Variants in TTLL5 observed in about 807,000 individuals in gnomAD.
TTLL5 encodes the protein tubulin polyglutamylase TTLL5.
In TTLL5, 132 loss-of-function variants were observed where a neutral mutation model predicts 168.4. The observed-to-expected ratio is 0.78, with a 90% CI of 0.68 to 0.91. The LOEUF (loss-of-function observed/expected upper bound fraction) is 0.91. Ranked by LOEUF, TTLL5 falls within the 40% of genes least tolerant of loss-of-function variation. The pLI, the probability that TTLL5 is intolerant of heterozygous loss-of-function variation, is 0.00. For synonymous variants in TTLL5, 546 were observed against 558.6 expected (o/e 0.98, Z 0.32); for missense variants, 1,545 against 1,581.5 (o/e 0.98, Z 0.39).
chr14:75,697,011 A>G (rs2140150622), intron 6 of TTLL5, among the ~76,000 whole-genome samples: 1 of 152,340 alleles, frequency 6.6e-6, no homozygotes, highest in East Asian at 1.9e-4. Context: ...GTGTCCCACA[A>G]GCTAAGAACC....
chr14:75,954,693 C>G lies in TTLL5; in HGVS notation c.*247C>G. Reference sequence around the variant, plus strand: ...TGGCAGTGGGGACATTCAGCTGATGCATTATATACCCCGTCAGAGCACACT... The same window carrying G: ...TGGCAGTGGGGACATTCAGCTGATGGATTATATACCCCGTCAGAGCACACT... On this transcript the variant is annotated 3_prime_UTR_variant, in exon 32 of 32. Transcript: ENST00000298832. The G allele has an allele frequency of 1.7e-6, 1 of 573,078 alleles. No individual in the cohort carries two copies. 35.5% of individuals were successfully genotyped at this position (573,078 alleles called of 1,614,324 possible).
At chr14:75,760,159 GA>G (rs1890542377) in intron 18 of TTLL5, among the ~76,000 whole-genome samples, 2 of 152,016 alleles carry the variant, frequency 1.3e-5, no homozygotes, top group Admixed American at 1.3e-4. Context: ...TAGGATACAA[GA>G]TCGACATACT....
At chr14:75,883,279 C>G (rs2031916081) in intron 30 of TTLL5, among the ~76,000 whole-genome samples, 1 of 152,270 alleles carries the variant, frequency 6.6e-6, no homozygotes, top group South Asian at 2.1e-4. Flanking sequence ...AGTCACCAAG[C>G]TCTGTGTAGC....
chr14:75,864,762 T>G (rs2030367240), intron 29 of TTLL5, among the ~76,000 whole-genome samples: 1 of 152,216 alleles, frequency 6.6e-6, no homozygotes, highest in Non-Finnish European at 1.5e-5. Context: ...AAATAACTTT[T>G]TATCAGTTTG....
At chr14:75,808,933 C>CA (rs1893817048) in intron 27 of TTLL5, among the ~76,000 whole-genome samples, 1 of 151,230 alleles carries the variant, frequency 6.6e-6, no homozygotes, top group South Asian at 2.1e-4. Context: ...CTGATCCTGT[C>CA]AGATTTTGAT....
intron 18 of TTLL5, among the ~76,000 whole-genome samples, chr14:75,761,420 A>G (rs995814950): frequency 5.3e-5 from 8 of 152,246 alleles, no homozygotes; most frequent in Non-Finnish European, 1.0e-4. Context: ...AGCTTTATTC[A>G]TAATGCTCCA....
At chr14:75,667,138 TTC>T (rs1883320653) in intron 2 of TTLL5, among the ~76,000 whole-genome samples, 1 of 152,246 alleles carries the variant, frequency 6.6e-6, no homozygotes, top group African/African-American at 2.4e-5. Flanking sequence ...ATGAAAAGAT[TTC>T]TCTGTTAGAG....
At chr14:75,807,002 ATCTTT>A (rs1331881201) in intron 27 of TTLL5, among the ~76,000 whole-genome samples, 1 of 152,222 alleles carries the variant, frequency 6.6e-6, no homozygotes, top group East Asian at 1.9e-4. Flanking sequence ...ATTATTTTGC[ATCTTT>A]TCTTTCCTGT....
chr14:75,927,981 TTGTGA>T (rs1257848061), intron 31 of TTLL5, among the ~76,000 whole-genome samples: 1 of 152,118 alleles, frequency 6.6e-6, no homozygotes, highest in Non-Finnish European at 1.5e-5. Flanking sequence ...TGTTGCCCAC[TTGTGA>T]TGTGATTGAA....
chr14:75,799,701 A>G (rs996870701), intron 27 of TTLL5, among the ~76,000 whole-genome samples: 2 of 152,138 alleles, frequency 1.3e-5, no homozygotes, highest in Non-Finnish European at 2.9e-5. Flanking sequence ...TGTCTGAAAA[A>G]GACTATCTTT....
At chr14:75,813,579 A>G (rs1004697432) in intron 27 of TTLL5, among the ~76,000 whole-genome samples, 6 of 152,104 alleles carry the variant, frequency 3.9e-5, no homozygotes, top group African/African-American at 1.4e-4. Flanking sequence ...CTGGTATTAC[A>G]GGTGTGAGCC....
Position 75,762,537 on chromosome 14 carries a change from T to C in TTLL5, c.1551-2078T>C, listed in dbSNP as rs538774864. Among the ~76,000 whole-genome samples the C allele has an allele frequency of 4.6e-5, 7 of 152,326 alleles. No individual in the cohort carries two copies. The East Asian group carries it at 7.7e-4, about 17-fold the overall frequency. On this transcript the variant is annotated intron_variant, in intron 18 of 31. Coordinates refer to ENST00000298832, the MANE Select transcript of TTLL5 (RefSeq NM_015072.5). Reference sequence around the variant, plus strand: ...GTCAGCTGTGTGCTGGACAGTCTCATAAGCATCTAGGATACAGTGATACAA... The same window carrying C: ...GTCAGCTGTGTGCTGGACAGTCTCACAAGCATCTAGGATACAGTGATACAA...
At chr14:75,706,033 C>A (rs1027148591) in intron 7 of TTLL5, among the ~76,000 whole-genome samples, 1 of 152,242 alleles carries the variant, frequency 6.6e-6, no homozygotes, top group South Asian at 2.1e-4. Flanking sequence ...TTTCCCAGTT[C>A]AGTCTTTTAG....
chr14:75,937,179 C>T (rs976220927), intron 31 of TTLL5, among the ~76,000 whole-genome samples: 9 of 151,088 alleles, frequency 6.0e-5, no homozygotes, highest in South Asian at 4.2e-4. Context: ...TGCAGTGGCA[C>T]GATCTCAGCT....
intron 28 of TTLL5, among the ~76,000 whole-genome samples, chr14:75,851,292 G>A (rs1327510850): frequency 2.0e-5 from 3 of 152,218 alleles, no homozygotes; most frequent in Admixed American, 6.5e-5. Flanking sequence ...TGTAGCAGAC[G>A]TCTTTGGTTG....
intron 30 of TTLL5, among the ~76,000 whole-genome samples, chr14:75,885,674 A>T (rs76842122): frequency 0.022 from 3,332 of 152,352 alleles, 43 homozygotes; most frequent in Middle Eastern, 0.041. Flanking sequence ...TGGCTCTCGA[A>T]ATCAGGATCC....
At chr14:75,685,309 A>C (rs149566032) in intron 5 of TTLL5, among the ~76,000 whole-genome samples, 30 of 149,442 alleles carry the variant, frequency 2.0e-4, no homozygotes, top group Non-Finnish European at 3.4e-4. Context: ...TGGGGTGGTC[A>C]GGGCTTCAGT....
chr14:75,699,420 CT>C, intron 7 of TTLL5, 150 bp downstream of exon 7: 1 of 736,824 alleles, frequency 1.4e-6, no homozygotes, highest in Non-Finnish European at 2.3e-6. Context: ...GTAGGTATAA[CT>C]TGACTTGTTT....
At chr14:75,819,920 G>A in intron 27 of TTLL5, 87 bp from the exon 28 acceptor site, 1 of 1,435,000 alleles carries the variant, frequency 7.0e-7, no homozygotes. Context: ...GCATCTGTTG[G>A]CCTTGACTTG....
Sources: allele counts gnomAD v4.1 joint callset (sites outside exome capture counted in the v4.1 genomes callset), GRCh38; gene constraint gnomAD v4.1.1; transcripts MANE v1.5; gene names NCBI Gene and HGNC (gene_info 2026-07-23, HGNC 2026-07-21).